Variants in FNIP1 observed in about 807,000 individuals in gnomAD.
The protein encoded by FNIP1 is folliculin interacting protein 1, also known as folliculin-interacting protein 1.
In FNIP1, 40 loss-of-function variants were observed where a neutral mutation model predicts 124.5. That is an observed-to-expected ratio of 0.32 (90% CI 0.25 to 0.42). FNIP1 has a LOEUF of 0.42. FNIP1 is among the 10% of genes least tolerant of loss of function. The pLI, the probability that FNIP1 is intolerant of heterozygous loss-of-function variation, is 1.00. For synonymous variants in FNIP1, 472 were observed against 470.6 expected, an observed-to-expected ratio of 1.00 and a Z score of -0.04; for missense variants, 1,176 against 1,403.7, an observed-to-expected ratio of 0.84 and a Z score of 2.59.
intron 7 of FNIP1, 55 bp from the exon 8 acceptor site, chr5:131,709,327 G>A: frequency 6.9e-7 from 1 of 1,440,678 alleles, no homozygotes; most frequent in Non-Finnish European, 9.7e-7. Context: ...TCAGGTGGAT[G>A]AACAGCTCCT....
intron 15 of FNIP1, among the ~76,000 whole-genome samples, chr5:131,666,407 T>C (rs1240982104): frequency 6.6e-6 from 1 of 152,212 alleles, no homozygotes; most frequent in African/African-American, 2.4e-5. Context: ...AAATAGCTCC[T>C]TCCTTTTTAC....
chr5:131,673,441 A>G (rs1561648088), intron 13 of FNIP1, among the ~76,000 whole-genome samples: 1 of 152,138 alleles, frequency 6.6e-6, no homozygotes, highest in Non-Finnish European at 1.5e-5. Flanking sequence ...AGGTGAATTT[A>G]AGGGTTTTCT....
chr5:131,697,817 A>G (rs1055866717), intron 11 of FNIP1, among the ~76,000 whole-genome samples: 8 of 151,670 alleles, frequency 5.3e-5, no homozygotes, highest in Non-Finnish European at 1.2e-4. Context: ...AATAAAAAAA[A>G]AATTAGCCAA....
chr5:131,759,036 G>C (rs990614906), intron 1 of FNIP1, among the ~76,000 whole-genome samples: 1 of 152,036 alleles, frequency 6.6e-6, no homozygotes, highest in Non-Finnish European at 1.5e-5. Context: ...TTAAATAAAA[G>C]GTGCTGGGAT....
chr5:131,677,478 G>C (rs1767944208), intron 13 of FNIP1: 1 of 445,060 alleles, frequency 2.2e-6, no homozygotes, highest in Non-Finnish European at 4.0e-6. Flanking sequence ...CGAGCTATCA[G>C]CCTGCTCCTC....
chr5:131,792,160 C>CTT (rs1236842478), intron 1 of FNIP1, among the ~76,000 whole-genome samples: 100 of 137,232 alleles, frequency 7.3e-4, no homozygotes, highest in African/African-American at 1.8e-3. Flanking sequence ...ATAACTGGCA[C>CTT]TTTTTTTTTT....
intron 1 of FNIP1, among the ~76,000 whole-genome samples, chr5:131,749,076 C>T (rs1770781733): frequency 6.6e-6 from 1 of 152,090 alleles, no homozygotes; most frequent in African/African-American, 2.4e-5. Context: ...GTTTGTACAG[C>T]TGTACAATGT....
intron 15 of FNIP1, among the ~76,000 whole-genome samples, chr5:131,662,882 G>A (rs1767484921): frequency 6.6e-6 from 1 of 151,974 alleles, no homozygotes; most frequent in Non-Finnish European, 1.5e-5. Flanking sequence ...TGGGATTACA[G>A]GCATGCGCCA....
intron 1 of FNIP1, among the ~76,000 whole-genome samples, chr5:131,762,043 G>C (rs1475080745): frequency 6.6e-6 from 1 of 152,092 alleles, no homozygotes; most frequent in Non-Finnish European, 1.5e-5. Flanking sequence ...TGAGAAAATT[G>C]GATATCCATA....
intron 1 of FNIP1, among the ~76,000 whole-genome samples, chr5:131,767,393 C>A (rs1771466160): frequency 8.1e-6 from 1 of 124,146 alleles, no homozygotes; most frequent in Admixed American, 1.0e-4. Flanking sequence ...TGCACCACTG[C>A]ACTCTAGCCT....
chr5:131,764,075 T>C (rs1414341574), intron 1 of FNIP1, among the ~76,000 whole-genome samples: 4 of 151,954 alleles, frequency 2.6e-5, no homozygotes, highest in Admixed American at 1.3e-4. Flanking sequence ...AAGCGTGTGG[T>C]ACGCCCCCTT....
chr5:131,743,334 G>T (rs936663123), intron 2 of FNIP1, among the ~76,000 whole-genome samples: 1 of 151,928 alleles, frequency 6.6e-6, no homozygotes, highest in Non-Finnish European at 1.5e-5. Context: ...ATTTCAGAAA[G>T]TTGAGTAATA....
chr5:131,744,754 C>T, intron 1 of FNIP1, 64 bp from the exon 2 acceptor site: 4 of 1,332,048 alleles, frequency 3.0e-6, no homozygotes, highest in South Asian at 3.5e-5. Flanking sequence ...ATTCCATATA[C>T]ATTATTAGAA....
chr5:131,776,457 AAT>A (rs1456739153), intron 1 of FNIP1, among the ~76,000 whole-genome samples: 4 of 152,246 alleles, frequency 2.6e-5, no homozygotes, highest in African/African-American at 9.6e-5. Context: ...CACTATTCTT[AAT>A]AGTCAAAAAT....
chr5:131,721,569 C>G (rs181427477), intron 3 of FNIP1, among the ~76,000 whole-genome samples: 1 of 151,944 alleles, frequency 6.6e-6, no homozygotes, highest in Admixed American at 6.6e-5. Flanking sequence ...GAGGCTTAGG[C>G]GAGAGGATCA....
intron 1 of FNIP1, among the ~76,000 whole-genome samples, chr5:131,767,761 A>G (rs938728956): frequency 2.0e-5 from 3 of 152,208 alleles, no homozygotes; most frequent in African/African-American, 7.2e-5. Context: ...CTCTAATCTG[A>G]CAGGAAAATA....
At chr5:131,654,801 G>A (rs1438956277) in intron 15 of FNIP1, among the ~76,000 whole-genome samples, 4 of 152,146 alleles carry the variant, frequency 2.6e-5, no homozygotes, top group African/African-American at 9.7e-5. Flanking sequence ...GATGCAAATG[G>A]CTACATTTGT....
intron 15 of FNIP1, among the ~76,000 whole-genome samples, chr5:131,665,002 T>TAA (rs1394967690): frequency 2.6e-5 from 4 of 151,658 alleles, no homozygotes; most frequent in South Asian, 2.1e-4. Flanking sequence ...TTTACACAGA[T>TAA]ATACACAAGC....
intron 2 of FNIP1, among the ~76,000 whole-genome samples, chr5:131,736,916 G>A (rs539080264): frequency 5.4e-4 from 82 of 152,168 alleles, no homozygotes; most frequent in African/African-American, 1.7e-3. Flanking sequence ...ACTCTTATTC[G>A]GTTCAGAAAA....
Sources: gnomAD v4.1 joint callset for allele counts (sites outside exome capture counted in the v4.1 genomes callset) on GRCh38, gnomAD v4.1.1 for gene constraint, MANE v1.5 for transcripts, NCBI Gene and HGNC (gene_info 2026-07-23, HGNC 2026-07-21) for gene names.